The following AGMO variants were observed in gnomAD, a reference collection of about 807,000 sequenced individuals.
AGMO encodes the protein alkylglycerol monooxygenase, also known as glyceryl-ether monooxygenase.
A neutral mutation model predicts 60.2 loss-of-function variants in AGMO; 75 were observed. That is an observed-to-expected ratio of 1.25 (90% CI 1.03 to 1.51). AGMO has a LOEUF of 1.51. Among genes scored for constraint, AGMO ranks in the 40% most tolerant of loss-of-function variants. The probability of loss-of-function intolerance (pLI) is 0.00; values close to 1 mark genes in which losing one functional copy is unlikely to be tolerated. For missense variants in AGMO, 763 were observed against 525.5 expected (o/e 1.45, Z -4.42); for synonymous variants, 261 against 177.1 (o/e 1.47, Z -3.76).
intron 12 of AGMO, among the ~76,000 whole-genome samples, chr7:15,350,195 T>C (rs1309466792): frequency 6.6e-6 from 1 of 152,084 alleles, no homozygotes; most frequent in Non-Finnish European, 1.5e-5. Flanking sequence ...GATAGACCAA[T>C]CCAGTGTCAG....
At chr7:15,241,459 CAAAAA>C (rs61727790) in intron 12 of AGMO, among the ~76,000 whole-genome samples, 5 of 51,364 alleles carry the variant, frequency 9.7e-5, no homozygotes, top group African/African-American at 4.1e-4. Context: ...GACTCCGTCT[CAAAAA>C]AAAAAAAAAA....
At chr7:15,225,466 T>C (rs1182296162) in intron 12 of AGMO, among the ~76,000 whole-genome samples, 1 of 151,992 alleles carries the variant, frequency 6.6e-6, no homozygotes, top group Non-Finnish European at 1.5e-5. Flanking sequence ...TAATTTTAAT[T>C]ATTATTTCAC....
chr7:15,326,895 C>T (rs1781353958), intron 12 of AGMO, among the ~76,000 whole-genome samples: 1 of 152,162 alleles, frequency 6.6e-6, no homozygotes, highest in South Asian at 2.1e-4. Context: ...GAAAAGATTA[C>T]CAAACTAGAG....
chr7:15,289,014 T>G (rs1784181575), intron 12 of AGMO, among the ~76,000 whole-genome samples: 1 of 152,004 alleles, frequency 6.6e-6, no homozygotes, highest in South Asian at 2.1e-4. Flanking sequence ...CCTGACATTT[T>G]TGGCTTATTT....
At chr7:15,349,454 A>C (rs1305540937) in intron 12 of AGMO, among the ~76,000 whole-genome samples, 1 of 152,126 alleles carries the variant, frequency 6.6e-6, no homozygotes, top group African/African-American at 2.4e-5. Context: ...GACACAGTTA[A>C]ATTCTTGCAA....
chr7:15,223,402 T>C (rs927839805), intron 12 of AGMO, among the ~76,000 whole-genome samples: 2 of 151,972 alleles, frequency 1.3e-5, no homozygotes, highest in African/African-American at 4.8e-5. Context: ...CTTATAAAAA[T>C]ACAATTTTCA....
At chr7:15,404,711 T>C (rs1784639617) in intron 5 of AGMO, among the ~76,000 whole-genome samples, 2 of 151,844 alleles carry the variant, frequency 1.3e-5, no homozygotes, top group African/African-American at 4.8e-5. Flanking sequence ...CTCCATACTT[T>C]TGACTCTTTC....
chr7:15,225,454 T>C (rs1422096338), intron 12 of AGMO, among the ~76,000 whole-genome samples: 2 of 151,990 alleles, frequency 1.3e-5, no homozygotes, highest in African/African-American at 4.8e-5. Context: ...AAAATTATAG[T>C]ATAATTTTAA....
chr7:15,494,198 G>T (rs1287012243), intron 3 of AGMO, among the ~76,000 whole-genome samples: 1 of 152,190 alleles, frequency 6.6e-6, no homozygotes, highest in East Asian at 1.9e-4. Flanking sequence ...CAAGAAAGGG[G>T]CTTTCCGCAG....
chr7:15,465,806 C>A (rs114767438), intron 3 of AGMO, among the ~76,000 whole-genome samples: 3,109 of 151,848 alleles, frequency 0.02, 89 homozygotes, highest in African/African-American at 0.064. Flanking sequence ...TACTTGATAA[C>A]CTGTTCCTAC....
intron 12 of AGMO, among the ~76,000 whole-genome samples, chr7:15,230,953 C>G (rs865963546): frequency 6.6e-6 from 1 of 152,176 alleles, no homozygotes; most frequent in Non-Finnish European, 1.5e-5. Flanking sequence ...CTTGCTTATT[C>G]CACTGCACCA....
At chr7:15,435,314 CTTT>C (rs375796651) in intron 3 of AGMO, among the ~76,000 whole-genome samples, 1 of 143,396 alleles carries the variant, frequency 7.0e-6, no homozygotes, top group African/African-American at 2.5e-5. Flanking sequence ...GTGGCTGTGC[CTTT>C]TTTTTTTTTT....
At chr7:15,492,067 G>T (rs1031419101) in intron 3 of AGMO, among the ~76,000 whole-genome samples, 1 of 152,196 alleles carries the variant, frequency 6.6e-6, no homozygotes, top group East Asian at 1.9e-4. Flanking sequence ...AGCATAGTCA[G>T]GGTGGAGCAT....
At chr7:15,127,511 T>C in the AGMO span, among the ~76,000 whole-genome samples, 1 of 152,060 alleles carries the variant, frequency 6.6e-6, no homozygotes, top group African/African-American at 2.4e-5. Flanking sequence ...AAATTCACTC[T>C]AATAGAAGAT....
intron 10 of AGMO, among the ~76,000 whole-genome samples, chr7:15,371,714 A>AT (rs35427826): frequency 1.5e-4 from 22 of 151,188 alleles, no homozygotes; most frequent in South Asian, 2.1e-4. Flanking sequence ...TGATTTTTGT[A>AT]TTTTTTTTTG....
At chr7:15,418,820 A>T (rs894567863) in intron 4 of AGMO, among the ~76,000 whole-genome samples, 167 bp from the exon 5 acceptor site, 7 of 151,886 alleles carry the variant, frequency 4.6e-5, no homozygotes, top group African/African-American at 1.7e-4. Flanking sequence ...CCTCATGGTG[A>T]TACAGTTACA....
At chr7:15,247,802 C>A (rs1291801717) in intron 12 of AGMO, among the ~76,000 whole-genome samples, 1 of 151,448 alleles carries the variant, frequency 6.6e-6, no homozygotes, top group East Asian at 1.9e-4. Flanking sequence ...TACACCAAAC[C>A]ATACTAGACA....
chr7:15,208,098 C>A (rs1008643075), intron 12 of AGMO, among the ~76,000 whole-genome samples: 6 of 152,110 alleles, frequency 3.9e-5, no homozygotes, highest in African/African-American at 1.4e-4. Flanking sequence ...TGAATATATT[C>A]ATGGGGTGTC....
At chr7:15,295,050 T>C (rs1784372112) in intron 12 of AGMO, among the ~76,000 whole-genome samples, 1 of 151,868 alleles carries the variant, frequency 6.6e-6, no homozygotes. Context: ...GTATTTCTCA[T>C]TATTCAAACT....
Sources: gnomAD v4.1 joint callset for allele counts (sites outside exome capture counted in the v4.1 genomes callset) on GRCh38, gnomAD v4.1.1 for gene constraint, MANE v1.5 for transcripts, NCBI Gene and HGNC (gene_info 2026-07-23, HGNC 2026-07-21) for gene names.